MYB: variants seen among roughly 807,000 people sequenced by gnomAD.
The protein encoded by MYB is MYB proto-oncogene, transcription factor.
A neutral mutation model predicts 92.9 loss-of-function variants in MYB; 28 were observed. The ratio of observed to expected loss-of-function variants is 0.30; its 90% CI spans 0.22 to 0.41. MYB has a LOEUF of 0.41. Among genes scored for constraint, MYB ranks in the 10% least tolerant of loss-of-function variants. The pLI is 1.00. For missense variants in MYB, 679 were observed against 929.3 expected, an observed-to-expected ratio of 0.73 and a Z score of 3.50; for synonymous variants, 295 against 329.1, an observed-to-expected ratio of 0.90 and a Z score of 1.12.
At chr6:135,217,734 G>T (rs2128327778) in intron 15 of MYB, 130 bp from the exon 16 acceptor site, 2 of 734,730 alleles carry the variant, frequency 2.7e-6, no homozygotes, top group East Asian at 5.1e-5. Flanking sequence ...GGCCAGGGAG[G>T]TAAGATTCTA....
intron 9 of MYB, 99 bp downstream of exon 9, chr6:135,196,101 G>A (rs1273588764): frequency 8.2e-7 from 1 of 1,225,910 alleles, no homozygotes; most frequent in Admixed American, 2.2e-5. Context: ...GCTGTTATTA[G>A]CATATATTAA....
rs1346556189 is a variant in MYB, at chr6:135,203,217, A to G, written c.2062A>G (p.Asn688Asp). ...TTTCAAATTATTCTCTTCCCTTTAG[A>G]ATATTCTTACAAGCTCCGTTTTAAT... ...TQTSPVADAP[N>D]ILTSSVLMAP... Residue 688 changes from asparagine to aspartate, a missense_variant and splice_region_variant, in exon 15 of 16, where the codon AAT (asparagine) becomes GAT (aspartate). Coordinates refer to ENST00000341911, the MANE Select transcript of MYB (RefSeq NM_001130173.2). 1 of 1,585,470 alleles carries G rather than the reference A, an allele frequency of 6.3e-7. No individual in the cohort carries two copies. The highest frequency in any genetic ancestry group is 1.1e-5 in the South Asian group (1 of 89,212).
rs1231582413 is a variant in MYB, at chr6:135,189,858, C to G, written c.281C>G (p.Pro94Arg). Residue 94 changes from proline to arginine, a missense_variant, in exon 4 of 16, where the codon CCT becomes CGT. Pro to Arg is a moderately radical substitution (Grantham distance 103, BLOSUM62 -2). Around this residue, in one of 8 missense-constraint regions of MYB, gnomAD observed 88 missense variants for 145.6 expected, o/e 0.60. Coordinates refer to ENST00000341911, the MANE Select transcript of MYB (RefSeq NM_001130173.2). Reference protein sequence around the residue: ...KVLNPELIKGPWTKEEDQRVI... With the variant: ...KVLNPELIKGRWTKEEDQRVI... ...CTAAACCCTGAGCTCATCAAGGGTC[C>G]TTGGACCAAAGAAGAAGATCAGAGA... 1 of 1,614,018 alleles carries G rather than the reference C, an allele frequency of 6.2e-7. No homozygotes were observed. The highest frequency in any genetic ancestry group is 8.5e-7 in the Non-Finnish European group (1 of 1,179,884).
chr6:135,184,585 A>G (rs975758432), intron 1 of MYB, among the ~76,000 whole-genome samples: 1 of 152,130 alleles, frequency 6.6e-6, no homozygotes, highest in African/African-American at 2.4e-5. Context: ...GCTTAAAATA[A>G]TAGCTTTAAA....
In MYB at chr6:135,218,798, T is replaced by G. The variant is rs532542952; in HGVS notation, c.*818T>G. 1 of 215,064 alleles carries G rather than the reference T, an allele frequency of 4.6e-6. No individual in the cohort carries two copies. The highest frequency in any genetic ancestry group is 6.9e-5 in the East Asian group (1 of 14,540). 13.3% of individuals were successfully genotyped at this position (215,064 alleles called of 1,614,324 possible). On this transcript the variant is annotated 3_prime_UTR_variant, in exon 16 of 16. Coordinates refer to ENST00000341911, the MANE Select transcript of MYB (RefSeq NM_001130173.2). ...ATTTTTTTTCCTTCTGCAATACATT[T>G]GAAAACTTGTTTGGGAGACTCTGCA...
At position 135,181,512 on chromosome 6, in the gene MYB, C is replaced by T; in HGVS notation, c.-2C>T. 1 of 1,149,566 alleles carries T rather than the reference C, an allele frequency of 8.7e-7. No homozygotes were observed. The highest frequency in any genetic ancestry group is 1.1e-6 in the Non-Finnish European group (1 of 935,664). 71.2% of individuals were successfully genotyped at this position (1,149,566 alleles called of 1,614,324 possible). ...TCGGCGGAGCCCCGCGCCCGCCGCG[C>T]CATGGCCCGAAGACCCCGGCACAGG... On this transcript the variant is annotated 5_prime_UTR_variant, in exon 1 of 16. Coordinates refer to ENST00000341911, the MANE Select transcript of MYB (RefSeq NM_001130173.2). The surrounding 1 kb of genome is among the most constrained non-coding windows in gnomAD (Gnocchi z 5.3).
chr6:135,187,344 C>G (rs1376198528), intron 2 of MYB, among the ~76,000 whole-genome samples: 1 of 152,138 alleles, frequency 6.6e-6, no homozygotes, highest in East Asian at 1.9e-4. Flanking sequence ...ATTTCTTGCT[C>G]AAGATCCTAT....
At chr6:135,199,183 T>C in intron 11 of MYB, 133 bp downstream of exon 11, 1 of 711,708 alleles carries the variant, frequency 1.4e-6, no homozygotes, top group Non-Finnish European at 2.2e-6. Context: ...ATCATGTCTA[T>C]TCCCACATTG....
intron 1 of MYB, among the ~76,000 whole-genome samples, chr6:135,184,521 ATT>A (rs1168443805): frequency 6.6e-6 from 1 of 152,032 alleles, no homozygotes; most frequent in African/African-American, 2.4e-5. Flanking sequence ...TGGTGGTGGT[ATT>A]TTAAATTTGG....
chr6:135,189,898 C>T lies in MYB; in HGVS notation c.306+15C>T, dbSNP rs888112425. The T allele has an allele frequency of 4.4e-6, 7 of 1,600,264 alleles. No homozygotes were observed. In the African/African-American group the frequency reaches 5.4e-5, roughly 12 times the overall value. On this transcript the variant is annotated intron_variant, in intron 4 of 15. Coordinates refer to ENST00000341911, the MANE Select transcript of MYB (RefSeq NM_001130173.2). ...AAGATCAGAGAGTAAGTTCTTTCTT[C>T]ATTGGTGTGTGACTCATAATTAAGA...
At chr6:135,199,581 A>G in intron 11 of MYB, 1 of 1,045,962 alleles carries the variant, frequency 9.6e-7, no homozygotes, top group Non-Finnish European at 1.2e-6. Flanking sequence ...CCAAGGGATG[A>G]GTAAGCAGTC....
At chr6:135,187,777 T>G (rs1776115691) in intron 2 of MYB, 57 bp from the exon 3 acceptor site, 2 of 1,211,588 alleles carry the variant, frequency 1.7e-6, no homozygotes, top group Non-Finnish European at 1.2e-6. Context: ...CACTTTAACT[T>G]GAACAGAGTT....
chr6:135,202,836 A>G (rs1778321777), intron 14 of MYB: 1 of 436,902 alleles, frequency 2.3e-6, no homozygotes, highest in African/African-American at 2.0e-5. Context: ...AATAATTTAT[A>G]GCTCTAAAAT....
chr6:135,194,656 G>A (rs139952424), intron 8 of MYB, 196 bp downstream of exon 8: 6,198 of 572,162 alleles, frequency 0.011, 53 homozygotes, highest in Non-Finnish European at 0.014. Flanking sequence ...CAGTCTTTTT[G>A]TAATTGCAAT....
chr6:135,213,972 C>T (rs964337565), intron 15 of MYB, among the ~76,000 whole-genome samples: 20 of 152,132 alleles, frequency 1.3e-4, no homozygotes, highest in Non-Finnish European at 1.5e-4. Context: ...AGATAATTTA[C>T]GCATTTAGAA....
In MYB at chr6:135,190,346, C is replaced by T. The variant is rs749730179; in HGVS notation, c.526C>T (p.Arg176Ter). 1 of 1,611,858 alleles carries T rather than the reference C, an allele frequency of 6.2e-7. No individual in the cohort carries two copies. Among genetic ancestry groups the T allele is most frequent in the South Asian group, 1.1e-5 (1 of 90,990 alleles). The change falls in exon 5 of 16, where the codon CGA (arginine) becomes TGA (stop). Residue 176 changes from arginine to a stop codon, truncating the protein, a stop_gained and splice_region_variant. Transcript: ENST00000341911. LOFTEE classifies it high-confidence loss of function. The surrounding 1 kb of genome is among the most constrained non-coding windows in gnomAD (Gnocchi z 4.5). ...AGAAATCGCAAAGCTACTGCCTGGA[C>T]GGTAATAATATGTCAAAAAATATAT... ...WAEIAKLLPG[R>*]TDNAIKNHWN... is the part of the protein sequence containing the mutation.
intron 2 of MYB, among the ~76,000 whole-genome samples, chr6:135,186,524 A>C (rs1327182874): frequency 6.6e-6 from 1 of 152,228 alleles, no homozygotes; most frequent in Non-Finnish European, 1.5e-5. Context: ...TGGACCCAAA[A>C]TAGGATATTA....
intron 3 of MYB, among the ~76,000 whole-genome samples, chr6:135,188,856 C>T (rs1250215667): frequency 6.6e-6 from 1 of 152,148 alleles, no homozygotes; most frequent in Non-Finnish European, 1.5e-5. Context: ...GCAGGTGGAA[C>T]TTCCTAAAAT....
intron 15 of MYB, among the ~76,000 whole-genome samples, chr6:135,212,005 C>T (rs1300477985): frequency 6.6e-6 from 1 of 152,076 alleles, no homozygotes; most frequent in Non-Finnish European, 1.5e-5. Context: ...TCTACAGTCT[C>T]TCTTATAACT....
Sources: gnomAD v4.1 joint callset for allele counts (sites outside exome capture counted in the v4.1 genomes callset) on GRCh38, gnomAD v4.1.1 for gene constraint, gnomAD v4.1.1 regional missense constraint, Gnocchi (gnomAD v3.1) non-coding constraint, MANE v1.5 for transcripts, NCBI Gene and HGNC (gene_info 2026-07-23, HGNC 2026-07-21) for gene names.